The following BRSK2 variants were observed in gnomAD, a reference collection of about 807,000 sequenced individuals.
The protein encoded by BRSK2 is BR serine/threonine kinase 2.
A neutral mutation model predicts 83.3 loss-of-function variants in BRSK2; 19 were observed. That is an observed-to-expected ratio of 0.23 (90% CI 0.16 to 0.33). BRSK2 has a LOEUF of 0.33. BRSK2 is among the 10% of genes least tolerant of loss of function. The probability of loss-of-function intolerance (pLI) is 1.00; values close to 1 mark genes in which losing one functional copy is unlikely to be tolerated. For synonymous variants in BRSK2, 519 were observed against 435.4 expected (o/e 1.19, Z -2.39); for missense variants, 798 against 1,042.3 (o/e 0.77, Z 3.23).
chr11:1,458,181 G>A (rs1202477071), intron 18 of BRSK2, among the ~76,000 whole-genome samples: 1 of 152,100 alleles, frequency 6.6e-6, no homozygotes, highest in Admixed American at 6.5e-5. Context: ...CCCCGCACCT[G>A]AGCAGCCATC....
chr11:1,459,738 C>T (rs897894466), intron 19 of BRSK2, among the ~76,000 whole-genome samples: 5 of 152,344 alleles, frequency 3.3e-5, no homozygotes, highest in Admixed American at 3.3e-4. Context: ...CCCATTTCCG[C>T]CCCTCTTCTC....
At chr11:1,412,678 A>G (rs1847652442) in intron 1 of BRSK2, among the ~76,000 whole-genome samples, 2 of 152,022 alleles carry the variant, frequency 1.3e-5, no homozygotes, top group South Asian at 4.1e-4. Context: ...CTGTGGGAAA[A>G]CCTTTACTGA....
intron 12 of BRSK2, 121 bp downstream of exon 12, chr11:1,446,028 ATGGGCTAAAC>A (rs1282493170): frequency 1.6e-5 from 18 of 1,143,388 alleles, no homozygotes; most frequent in African/African-American, 3.3e-5. Flanking sequence ...GTGGGGCTGT[ATGGGCTAAAC>A]TGGGCTTAGC....
At chr11:1,398,740 AG>A (rs1233862090) in intron 1 of BRSK2, among the ~76,000 whole-genome samples, 1 of 151,850 alleles carries the variant, frequency 6.6e-6, no homozygotes, top group Admixed American at 6.6e-5. Context: ...CCCCAGGGTT[AG>A]GCTGCAGGCC....
At chr11:1,425,687 C>A (rs1849133246) in intron 1 of BRSK2, among the ~76,000 whole-genome samples, 1 of 152,218 alleles carries the variant, frequency 6.6e-6, no homozygotes, top group Admixed American at 6.5e-5. Context: ...CGCTCGTCTC[C>A]CACTCTGTGT....
chr11:1,414,872 C>T (rs1393432344), intron 1 of BRSK2, among the ~76,000 whole-genome samples: 1 of 152,218 alleles, frequency 6.6e-6, no homozygotes, highest in Non-Finnish European at 1.5e-5. Context: ...AGGGCCATCC[C>T]TGTTGTCATC....
Position 1,454,144 on chromosome 11 carries a change from A to C in BRSK2, c.1545-341A>C. 8.4e-6 allele frequency: 1 copy of C among 118,982 alleles called. No individual in the cohort carries two copies. Among genetic ancestry groups the C allele is most frequent in the Non-Finnish European group, 1.5e-5 (1 of 65,610 alleles). The allele number at this position is 118,982 out of a possible 1,614,324, so 7.4% of individuals were successfully genotyped here. ...GAGCCCAGCTTGAGCCACCTCTCAC[A>C]GCGGCCTTGGTGAGGGGGGGCTCAC... On this transcript the variant is annotated intron_variant, in intron 15 of 19. Coordinates refer to ENST00000528841, the MANE Select transcript of BRSK2 (RefSeq NM_001256627.2). The surrounding 1 kb of genome is among the most constrained non-coding windows in gnomAD (Gnocchi z 5.2).
At chr11:1,412,757 G>A (rs1590368977) in intron 1 of BRSK2, among the ~76,000 whole-genome samples, 1 of 149,856 alleles carries the variant, frequency 6.7e-6, no homozygotes. Context: ...TGCCTGCTGG[G>A]AGTGGGCAAC....
chr11:1,397,462 T>C (rs1387592351), intron 1 of BRSK2, among the ~76,000 whole-genome samples: 2 of 152,222 alleles, frequency 1.3e-5, no homozygotes, highest in African/African-American at 4.8e-5. Flanking sequence ...GTCCTGCTGT[T>C]AAAGAGAAAC....
intron 1 of BRSK2, among the ~76,000 whole-genome samples, chr11:1,402,254 G>A (rs1315688327): frequency 1.3e-5 from 2 of 152,214 alleles, no homozygotes; most frequent in African/African-American, 4.8e-5. Context: ...CTGTGGTGGG[G>A]TCTGATCCAT....
chr11:1,416,443 C>T (rs941797832), intron 1 of BRSK2, among the ~76,000 whole-genome samples: 5 of 152,160 alleles, frequency 3.3e-5, no homozygotes, highest in African/African-American at 1.2e-4. Context: ...TCCCAGTGCC[C>T]GTCACCTCTC....
chr11:1,436,790 C>T (rs1850364187), intron 2 of BRSK2, among the ~76,000 whole-genome samples: 1 of 152,054 alleles, frequency 6.6e-6, no homozygotes, highest in Non-Finnish European at 1.5e-5. Context: ...GAGCCCCCTC[C>T]TCTCCCTTCC....
At chr11:1,460,464 T>TTTTTTTTTTTTTTTC in intron 19 of BRSK2, 36 bp from the exon 20 acceptor site, 1 of 325,336 alleles carries the variant, frequency 3.1e-6, no homozygotes, top group Non-Finnish European at 3.8e-6. Context: ...TTTTTTCCTT[T>TTTTTTTTTTTTTTTC]TTTTTTTTTT....
intron 1 of BRSK2, among the ~76,000 whole-genome samples, chr11:1,405,018 G>T (rs1881511): frequency 7.7e-6 from 1 of 130,266 alleles, no homozygotes; most frequent in Non-Finnish European, 1.7e-5. Flanking sequence ...GGTGGGGGTG[G>T]CTCTCTGAGG....
chr11:1,437,856 G>GCTGC (rs1169259856), intron 2 of BRSK2, among the ~76,000 whole-genome samples: 1 of 152,146 alleles, frequency 6.6e-6, no homozygotes, highest in Non-Finnish European at 1.5e-5. Flanking sequence ...AGAGGCCCAG[G>GCTGC]CTGCCTGCCT....
intron 3 of BRSK2, among the ~76,000 whole-genome samples, chr11:1,439,252 AC>A (rs958200269): frequency 1.3e-5 from 2 of 152,086 alleles, no homozygotes; most frequent in African/African-American, 4.8e-5. Context: ...CCCAGCAGCA[AC>A]GTCCACGCTT....
intron 14 of BRSK2, 67 bp downstream of exon 14, chr11:1,450,861 C>T: frequency 2.1e-6 from 3 of 1,447,346 alleles, no homozygotes; most frequent in Admixed American, 2.6e-5. Context: ...GGGGAGGGCC[C>T]CGCCCGGCAG....
At chr11:1,452,866 T>C (rs545568729) in intron 15 of BRSK2, among the ~76,000 whole-genome samples, 47 of 152,362 alleles carry the variant, frequency 3.1e-4, no homozygotes, top group South Asian at 6.2e-4. Flanking sequence ...ACTCGCTTGC[T>C]GGGGACCTGA....
intron 1 of BRSK2, chr11:1,410,452 G>T: frequency 1.0e-6 from 1 of 985,576 alleles, no homozygotes; most frequent in Non-Finnish European, 1.2e-6. Flanking sequence ...GTTTGGGGGC[G>T]CCGTGAAAGC....
Sources: allele counts gnomAD v4.1 joint callset (sites outside exome capture counted in the v4.1 genomes callset), GRCh38; gene constraint gnomAD v4.1.1; non-coding constraint Gnocchi (gnomAD v3.1); transcripts MANE v1.5; gene names NCBI Gene and HGNC (gene_info 2026-07-23, HGNC 2026-07-21).